The following TSHZ2 variants were observed in gnomAD, a reference collection of about 807,000 sequenced individuals.
TSHZ2 encodes teashirt homolog 2.
A neutral mutation model predicts 74.4 loss-of-function variants in TSHZ2; 21 were observed. That is an observed-to-expected ratio of 0.28 (90% CI 0.20 to 0.41). The LOEUF (loss-of-function observed/expected upper bound fraction) is 0.41. TSHZ2 is among the 10% of genes least tolerant of loss of function. The pLI is 1.00. For synonymous variants in TSHZ2, 540 were observed against 515.3 expected (o/e 1.05, Z -0.65); for missense variants, 1,244 against 1,293.5 (o/e 0.96, Z 0.59).
At chr20:53,253,301 G>GA (rs11290209) in intron 1 of TSHZ2, among the ~76,000 whole-genome samples, 198 bp from the exon 2 acceptor site, 2,895 of 97,440 alleles carry the variant, frequency 0.03, 63 homozygotes, top group East Asian at 0.044. Context: ...CCTGCCAATT[G>GA]AAAAAAAAAA....
intron 1 of TSHZ2, among the ~76,000 whole-genome samples, chr20:53,052,281 A>G (rs1445089048): frequency 6.6e-6 from 1 of 152,202 alleles, no homozygotes; most frequent in Non-Finnish European, 1.5e-5. Context: ...GGGGTCCTCA[A>G]CCCCTGAGCT....
At chr20:53,002,667 G>C (rs1009318237) in intron 1 of TSHZ2, among the ~76,000 whole-genome samples, 1 of 151,546 alleles carries the variant, frequency 6.6e-6, no homozygotes, top group South Asian at 2.1e-4. Flanking sequence ...TTATAAAAAA[G>C]AACAGGATGC....
intron 2 of TSHZ2, among the ~76,000 whole-genome samples, chr20:53,444,952 A>G (rs1422491640): frequency 1.3e-5 from 2 of 152,198 alleles, no homozygotes; most frequent in African/African-American, 4.8e-5. Context: ...TGTAACGAAC[A>G]TGTCTGCTGG....
intron 2 of TSHZ2, among the ~76,000 whole-genome samples, chr20:53,373,006 G>A (rs539757732): frequency 1.3e-5 from 2 of 152,272 alleles, no homozygotes; most frequent in East Asian, 3.9e-4. Context: ...AGTTCTTTAT[G>A]AATCTCCTTT....
chr20:53,311,585 G>A (rs577709324), intron 2 of TSHZ2, among the ~76,000 whole-genome samples: 7 of 152,304 alleles, frequency 4.6e-5, no homozygotes, highest in South Asian at 4.1e-4. Context: ...GACTGTGAAC[G>A]TGCATCTTGA....
chr20:53,181,139 A>G (rs2123510055), intron 1 of TSHZ2, among the ~76,000 whole-genome samples: 1 of 152,304 alleles, frequency 6.6e-6, no homozygotes, highest in Admixed American at 6.5e-5. Flanking sequence ...CATCTCCTGG[A>G]AGAACTTACC....
At chr20:53,068,128 C>T (rs543867699) in intron 1 of TSHZ2, among the ~76,000 whole-genome samples, 88 of 152,278 alleles carry the variant, frequency 5.8e-4, no homozygotes, top group African/African-American at 2.0e-3. Flanking sequence ...ATCCTAAAGA[C>T]GTCATCTTAA....
chr20:53,434,849 C>T (rs539123860), intron 2 of TSHZ2, among the ~76,000 whole-genome samples: 2 of 152,246 alleles, frequency 1.3e-5, no homozygotes, highest in African/African-American at 4.8e-5. Flanking sequence ...CGAGAGCACG[C>T]GGATCTGGAT....
Position 53,158,711 on chromosome 20 carries a change from C to T in TSHZ2, c.41-94788C>T, listed in dbSNP as rs760506559. 4.6e-5 allele frequency among the ~76,000 whole-genome samples: 7 copies of T among 152,150 alleles called. No homozygotes were observed. The South Asian group carries it at 6.2e-4, about 14-fold the overall frequency. On this transcript the variant is annotated intron_variant, in intron 1 of 2. Coordinates refer to ENST00000371497, the MANE Select transcript of TSHZ2 (RefSeq NM_173485.6). Reference sequence around the variant, plus strand: ...TGGAACGCTCCAGCTGTGATAATGTCGTGGCCCTCAAGGACCACCCCCTCC... The same window carrying T: ...TGGAACGCTCCAGCTGTGATAATGTTGTGGCCCTCAAGGACCACCCCCTCC...
intron 2 of TSHZ2, among the ~76,000 whole-genome samples, chr20:53,474,138 A>C (rs868247631): frequency 0.03 from 4,562 of 149,606 alleles, 257 homozygotes; most frequent in African/African-American, 0.11. Flanking sequence ...CAACGTTCAG[A>C]TTCAGGAAAT....
chr20:53,081,308 C>T (rs113715877), intron 1 of TSHZ2, among the ~76,000 whole-genome samples: 28 of 152,326 alleles, frequency 1.8e-4, no homozygotes, highest in African/African-American at 6.7e-4. Context: ...AAATTACAAG[C>T]CTGAACCACT....
chr20:53,349,271 G>A (rs1416951573), intron 2 of TSHZ2, among the ~76,000 whole-genome samples: 1 of 152,178 alleles, frequency 6.6e-6, no homozygotes, highest in East Asian at 1.9e-4. Flanking sequence ...TAATACATAA[G>A]CCAAGCATTA....
intron 1 of TSHZ2, among the ~76,000 whole-genome samples, chr20:53,051,464 C>A (rs1984464215): frequency 8.0e-6 from 1 of 124,624 alleles, no homozygotes; most frequent in Non-Finnish European, 1.5e-5. Flanking sequence ...CACGCACACA[C>A]ACACACACAC....
Position 53,461,170 on chromosome 20 carries a change from C to G in TSHZ2, c.*9-25974C>G, listed in dbSNP as rs568695947. Among the ~76,000 whole-genome samples the G allele has an allele frequency of 1.5e-3, 227 of 152,298 alleles. 1 individual carries two copies. Among genetic ancestry groups the G allele is most frequent in the South Asian group, 5.0e-3 (24 of 4,816 alleles). Reference sequence around the variant, plus strand: ...TGCCGCCTTGCAGTTTGATCTCAGACTGCTGTGCTAGCAATCAGCGAGACT... The same window carrying G: ...TGCCGCCTTGCAGTTTGATCTCAGAGTGCTGTGCTAGCAATCAGCGAGACT... On this transcript the variant is annotated intron_variant, in intron 2 of 2. Transcript: ENST00000371497.
chr20:53,360,287 G>T (rs1390653689), intron 2 of TSHZ2, among the ~76,000 whole-genome samples: 2 of 152,132 alleles, frequency 1.3e-5, no homozygotes, highest in African/African-American at 2.4e-5. Flanking sequence ...CACACTTATG[G>T]TTACACATAT....
At chr20:53,417,241 GACACACACACACACACACACACACACAC>G (rs56822266) in intron 2 of TSHZ2, among the ~76,000 whole-genome samples, 15 of 138,048 alleles carry the variant, frequency 1.1e-4, no homozygotes, top group African/African-American at 4.0e-4. Context: ...GACACACACA[GACACACACACACACACACACACACACAC>G]ACACACACAC....
intron 2 of TSHZ2, among the ~76,000 whole-genome samples, chr20:53,462,170 C>T (rs1396000676): frequency 6.6e-6 from 1 of 152,152 alleles, no homozygotes; most frequent in Non-Finnish European, 1.5e-5. Context: ...GGAAGAATCA[C>T]TTGAACCTGG....
At chr20:53,441,442 T>G (rs1984322851) in intron 2 of TSHZ2, among the ~76,000 whole-genome samples, 1 of 151,486 alleles carries the variant, frequency 6.6e-6, no homozygotes, top group Admixed American at 6.6e-5. Flanking sequence ...GGTTTTCTTT[T>G]TGTTTTGTTT....
chr20:53,133,031 A>G (rs1445226463), intron 1 of TSHZ2, among the ~76,000 whole-genome samples: 1 of 152,086 alleles, frequency 6.6e-6, no homozygotes, highest in Non-Finnish European at 1.5e-5. Flanking sequence ...AAGTTACAAA[A>G]GCAGTAATAT....
Sources: gnomAD v4.1 joint callset for allele counts (sites outside exome capture counted in the v4.1 genomes callset) on GRCh38, gnomAD v4.1.1 for gene constraint, MANE v1.5 for transcripts, NCBI Gene and HGNC (gene_info 2026-07-23, HGNC 2026-07-21) for gene names.